OSBPL3: variants seen among roughly 807,000 people sequenced by gnomAD.
OSBPL3 encodes the protein oxysterol-binding protein-related protein 3.
OSBPL3 carries 65 observed loss-of-function variants against 120.1 expected under a neutral mutation model. The observed-to-expected ratio is 0.54, with a 90% CI of 0.44 to 0.67. OSBPL3 has a LOEUF of 0.67. Ranked by LOEUF, OSBPL3 falls within the 30% of genes least tolerant of loss-of-function variation. OSBPL3 has a pLI of 0.00. For missense variants in OSBPL3, 1,004 were observed against 1,082.1 expected (o/e 0.93, Z 1.01); for synonymous variants, 416 against 402.6 (o/e 1.03, Z -0.40).
rs1794638880 is a variant in OSBPL3 at position 24,817,669 on chromosome 7, A to T, written c.1949-981T>A. 2.0e-5 allele frequency among the ~76,000 whole-genome samples: 3 copies of T among 152,196 alleles called. No homozygotes were observed. Among genetic ancestry groups the T allele is most frequent in the Admixed American group, 2.0e-4 (3 of 15,274 alleles). ...ATATGGAGAATGGAACAGGAGTAGG[A>T]GAGAGGAGAAGCAAGGCGACAAGTT... On this transcript the variant is annotated intron_variant, in intron 17 of 22. Coordinates refer to ENST00000313367, the MANE Select transcript of OSBPL3 (RefSeq NM_015550.4). This position sits in a 1 kb window ranked among gnomAD's most constrained non-coding sequence, Gnocchi z 4.0.
At chr7:24,882,868 T>C (rs1003735353) in intron 2 of OSBPL3, among the ~76,000 whole-genome samples, 23 of 152,256 alleles carry the variant, frequency 1.5e-4, no homozygotes, top group African/African-American at 5.3e-4. Flanking sequence ...TTGTATGTCT[T>C]CTTTTGAAAA....
chr7:24,883,250 G>A lies in OSBPL3; in HGVS notation c.96+9127C>T, dbSNP rs1176973370. Among the ~76,000 whole-genome samples the A allele has an allele frequency of 1.3e-5, 2 of 152,148 alleles. No individual in the cohort carries two copies. Among genetic ancestry groups the A allele is most frequent in the Non-Finnish European group, 2.9e-5 (2 of 68,028 alleles). ...AGTGGAAAACACAGCTGAACTTGAC[G>A]GTAGGGCCAGGGTGTAGGTTTTAGA... On this transcript the variant is annotated intron_variant, in intron 2 of 22. Coordinates refer to ENST00000313367, the MANE Select transcript of OSBPL3 (RefSeq NM_015550.4). This position sits in a 1 kb window ranked among gnomAD's most constrained non-coding sequence, Gnocchi z 5.4.
rs140588109 is a variant in OSBPL3, at chr7:24,922,417, T to G, written c.-149-29796A>C. On this transcript the variant is annotated intron_variant, in intron 1 of 22. Coordinates refer to ENST00000313367, the MANE Select transcript of OSBPL3 (RefSeq NM_015550.4). The surrounding 1 kb of genome is among the most constrained non-coding windows in gnomAD (Gnocchi z 4.3). ...ACAATTCCCTCTCAGGGGAATTGTA[T>G]GGCTGAGTGACCAGCGTGGGAGGGA... is the stretch of plus-strand genomic sequence containing the variant. Among the ~76,000 whole-genome samples, 1 of 152,126 alleles carries G rather than the reference T, an allele frequency of 6.6e-6. No homozygotes were observed. Among genetic ancestry groups the G allele is most frequent in the Non-Finnish European group, 1.5e-5 (1 of 68,016 alleles).
Position 24,944,914 on chromosome 7 carries a change from G to T in OSBPL3, c.-150+34972C>A, listed in dbSNP as rs377134048. ...CAGAAAACAGGAAACAATAATTCTG[G>T]CCCAATGGAGTTAACATCTGATTTT... On this transcript the variant is annotated intron_variant, in intron 1 of 22. Coordinates refer to ENST00000313367, the MANE Select transcript of OSBPL3 (RefSeq NM_015550.4). Among the ~76,000 whole-genome samples the T allele has an allele frequency of 1.8e-4, 28 of 152,098 alleles. 4 individuals are homozygous for T. The highest frequency in any genetic ancestry group is 1.7e-3 in the South Asian group (8 of 4,810).
In OSBPL3 at chr7:24,953,611, A is replaced by C. The variant is rs192226685; in HGVS notation, c.-150+26275T>G. ...AGCAGTCAGATTGTATCAGTGATCA[A>C]ACAGTTCAGACAGGGAAGGAAGCTT... On this transcript the variant is annotated intron_variant, in intron 1 of 22. Transcript: ENST00000313367. This position sits in a 1 kb window ranked among gnomAD's most constrained non-coding sequence, Gnocchi z 4.3. Among the ~76,000 whole-genome samples the C allele has an allele frequency of 3.3e-5, 5 of 152,354 alleles. No individual in the cohort carries two copies. Among genetic ancestry groups the C allele is most frequent in the African/African-American group, 1.2e-4 (5 of 41,574 alleles).
chr7:24,857,682 T>A (rs771629858), intron 10 of OSBPL3, among the ~76,000 whole-genome samples: 1 of 152,232 alleles, frequency 6.6e-6, no homozygotes, highest in East Asian at 1.9e-4. Flanking sequence ...CAATGTTTTT[T>A]AAAGTATGTT....
intron 19 of OSBPL3, among the ~76,000 whole-genome samples, chr7:24,810,545 A>G (rs1265035041): frequency 1.3e-5 from 2 of 152,096 alleles, no homozygotes; most frequent in African/African-American, 4.8e-5. Flanking sequence ...AAAACAAAAC[A>G]AAAACAAAAA....
intron 1 of OSBPL3, among the ~76,000 whole-genome samples, chr7:24,934,355 A>G (rs1468526723): frequency 6.6e-6 from 1 of 152,202 alleles, no homozygotes; most frequent in Admixed American, 6.5e-5. Context: ...AGACACAATA[A>G]TAGCCGGGAA....
At chr7:24,807,685 T>G (rs1382425895) in intron 20 of OSBPL3, among the ~76,000 whole-genome samples, 2 of 152,188 alleles carry the variant, frequency 1.3e-5, no homozygotes, top group East Asian at 3.8e-4. Context: ...GTTATTCTTT[T>G]CTTCCATTCC....
At position 24,871,989 on chromosome 7, in the gene OSBPL3, C is replaced by T. The variant is rs1351861765; in HGVS notation, c.177G>A (p.Leu59=). The T allele has an allele frequency of 5.0e-6, 8 of 1,613,920 alleles. No individual in the cohort carries two copies. The African/African-American group carries it at 6.7e-5, about 13-fold the overall frequency. Residue 59 remains leucine, a synonymous_variant, in exon 3 of 23, where the codon CTG becomes CTA. Transcript: ENST00000313367. The surrounding 1 kb of genome is among the most constrained non-coding windows in gnomAD (Gnocchi z 4.8). ...QEPPVQKGFL[L]KKRKWPLKGW... ...CTTTTAAGGGCCACTTCCTCTTTTTCAGCAAAAATCCTTTCTGAACTGGTG... is the reference window on the plus strand; with the variant it reads ...CTTTTAAGGGCCACTTCCTCTTTTTTAGCAAAAATCCTTTCTGAACTGGTG...
chr7:24,924,171 T>C (rs1241126427), intron 1 of OSBPL3, among the ~76,000 whole-genome samples: 1 of 152,120 alleles, frequency 6.6e-6, no homozygotes, highest in Non-Finnish European at 1.5e-5. Context: ...TGGTGAATAA[T>C]ATCACCTCTA....
At chr7:24,864,447 C>T (rs1801027470) in intron 7 of OSBPL3, among the ~76,000 whole-genome samples, 1 of 152,194 alleles carries the variant, frequency 6.6e-6, no homozygotes, top group South Asian at 2.1e-4. Flanking sequence ...GACGCTGCTG[C>T]TCCAGAGACA....
intron 1 of OSBPL3, among the ~76,000 whole-genome samples, chr7:24,929,729 C>T (rs984265916): frequency 3.9e-5 from 6 of 151,996 alleles, no homozygotes; most frequent in African/African-American, 1.5e-4. Flanking sequence ...TAATGCATTC[C>T]GTTTATAGTC....
intron 1 of OSBPL3, among the ~76,000 whole-genome samples, chr7:24,956,127 C>T (rs1337818620): frequency 6.6e-6 from 1 of 152,256 alleles, no homozygotes; most frequent in Non-Finnish European, 1.5e-5. Flanking sequence ...CCACAGTCAA[C>T]ATCTGGATGT....
Position 24,968,835 on chromosome 7 carries a change from A to G in OSBPL3, c.-150+11051T>C, listed in dbSNP as rs578075418. On this transcript the variant is annotated intron_variant, in intron 1 of 22. Transcript: ENST00000313367. This position sits in a 1 kb window ranked among gnomAD's most constrained non-coding sequence, Gnocchi z 4.6. ...TTCTTAACTTCACAATAAATCTCAC[A>G]TATCATTCCATATCAGAAAATGTAG... Among the ~76,000 whole-genome samples the G allele has an allele frequency of 2.0e-5, 3 of 152,316 alleles. No individual in the cohort carries two copies. In the East Asian group the frequency reaches 5.8e-4, roughly 29 times the overall value.
chr7:24,950,914 AGAG>A (rs1052656701), intron 1 of OSBPL3, among the ~76,000 whole-genome samples: 10 of 152,328 alleles, frequency 6.6e-5, no homozygotes, highest in Non-Finnish European at 1.2e-4. Flanking sequence ...TTACAAAATC[AGAG>A]GAGACTGAAC....
chr7:24,976,842 G>A (rs1246715717), intron 1 of OSBPL3, among the ~76,000 whole-genome samples: 4 of 152,162 alleles, frequency 2.6e-5, no homozygotes, highest in African/African-American at 9.7e-5. Context: ...TATGCAGGGG[G>A]AAATGTTACA....
intron 1 of OSBPL3, among the ~76,000 whole-genome samples, chr7:24,914,977 T>A (rs1237749283): frequency 6.6e-6 from 1 of 152,184 alleles, no homozygotes; most frequent in African/African-American, 2.4e-5. Flanking sequence ...TCATACTTCG[T>A]AACCAAAAAA....
chr7:24,904,918 G>GGTGTGTGTGTGTGTGGGTGTGT (rs1807643422), intron 1 of OSBPL3, among the ~76,000 whole-genome samples: 1 of 132,860 alleles, frequency 7.5e-6, no homozygotes, highest in Non-Finnish European at 1.6e-5. Context: ...ATAATATACA[G>GGTGTGTGTGTGTGTGGGTGTGT]GTGTGTGTGT....
Sources: allele counts gnomAD v4.1 joint callset (sites outside exome capture counted in the v4.1 genomes callset), GRCh38; gene constraint gnomAD v4.1.1; non-coding constraint Gnocchi (gnomAD v3.1); transcripts MANE v1.5; gene names NCBI Gene and HGNC (gene_info 2026-07-23, HGNC 2026-07-21).